ASCC3: variants seen among roughly 807,000 people sequenced by gnomAD.
ASCC3 encodes the protein ASC-1 complex subunit P200.
ASCC3 carries 158 observed loss-of-function variants against 256.3 expected under a neutral mutation model. The observed-to-expected ratio is 0.62, with a 90% CI of 0.54 to 0.70. ASCC3 has a LOEUF of 0.70. ASCC3 is among the 30% of genes least tolerant of loss of function. The pLI, the probability that ASCC3 is intolerant of heterozygous loss-of-function variation, is 0.00. For missense variants in ASCC3, 2,259 were observed against 2,626.0 expected (o/e 0.86, Z 3.05); for synonymous variants, 948 against 883.4 (o/e 1.07, Z -1.30).
intron 36 of ASCC3, among the ~76,000 whole-genome samples, chr6:100,572,644 A>G (rs1489035823): frequency 6.6e-6 from 1 of 152,190 alleles, no homozygotes; most frequent in Non-Finnish European, 1.5e-5. Flanking sequence ...TAAAGCAAGG[A>G]GATAAACATA....
intron 8 of ASCC3, among the ~76,000 whole-genome samples, chr6:100,794,366 T>C (rs750104495): frequency 2.6e-5 from 4 of 152,092 alleles, no homozygotes; most frequent in Non-Finnish European, 5.9e-5. Context: ...GTGCTTGATG[T>C]CCAAAGGTAA....
chr6:100,606,610 C>T, intron 32 of ASCC3, 130 bp downstream of exon 32: 2 of 1,022,640 alleles, frequency 2.0e-6, no homozygotes, highest in Non-Finnish European at 2.8e-6. Context: ...TCTATAATTG[C>T]TTATCATCTG....
In ASCC3 at chr6:100,757,769, A is replaced by C. The variant is rs985398712; in HGVS notation, c.1737+8796T>G. Among the ~76,000 whole-genome samples, 5 of 152,202 alleles carry C rather than the reference A, an allele frequency of 3.3e-5. No homozygotes were observed. In the East Asian group the frequency reaches 9.6e-4, roughly 29 times the overall value. On this transcript the variant is annotated intron_variant, in intron 10 of 41. Transcript: ENST00000369162. ...AGTAGGACTGGATAGGGACATCAGGAAAGAGCTGGCAGGGAGTTCCTGGAG... is the reference window on the plus strand; with the variant it reads ...AGTAGGACTGGATAGGGACATCAGGCAAGAGCTGGCAGGGAGTTCCTGGAG...
In ASCC3 at chr6:100,509,217, G is replaced by A; in HGVS notation, c.*169C>T. On this transcript the variant is annotated 3_prime_UTR_variant, in exon 42 of 42. Coordinates refer to ENST00000369162, the MANE Select transcript of ASCC3 (RefSeq NM_006828.4). The stretch of plus-strand genomic sequence containing the variant: ...GCAACATTTGTTAAAAGGCCACTGT[G>A]GTTAACTTTATGTCACTGGAGTCAA... The A allele has an allele frequency of 1.2e-6, 1 of 811,882 alleles. No individual in the cohort carries two copies. Among genetic ancestry groups the A allele is most frequent in the Non-Finnish European group, 2.0e-6 (1 of 490,932 alleles). 50.3% of individuals were successfully genotyped at this position (811,882 alleles called of 1,614,324 possible).
chr6:100,687,165 GTGT>G (rs1480115987), intron 13 of ASCC3, among the ~76,000 whole-genome samples: 1 of 151,792 alleles, frequency 6.6e-6, no homozygotes, highest in East Asian at 1.9e-4. Flanking sequence ...TATCCTGAGT[GTGT>G]TGTTATATTC....
intron 17 of ASCC3, among the ~76,000 whole-genome samples, chr6:100,654,869 T>C (rs1775839733): frequency 6.6e-6 from 1 of 151,748 alleles, no homozygotes; most frequent in Non-Finnish European, 1.5e-5. Context: ...AAGAAAAAAA[T>C]AAAAGAAATA....
intron 13 of ASCC3, among the ~76,000 whole-genome samples, chr6:100,695,438 A>G (rs1778038184): frequency 6.6e-6 from 1 of 152,130 alleles, no homozygotes; most frequent in South Asian, 2.1e-4. Context: ...GTCTTGTTGG[A>G]AGGTAATCCT....
chr6:100,536,056 C>T (rs765593708), intron 37 of ASCC3, among the ~76,000 whole-genome samples: 7 of 151,992 alleles, frequency 4.6e-5, no homozygotes, highest in East Asian at 1.9e-4. Flanking sequence ...AGTGACTGTG[C>T]GTGTAAATGT....
intron 8 of ASCC3, among the ~76,000 whole-genome samples, chr6:100,770,117 A>G (rs950166772): frequency 6.6e-6 from 1 of 152,012 alleles, no homozygotes; most frequent in Non-Finnish European, 1.5e-5. Flanking sequence ...CACTGCCCCA[A>G]TATAAAAGCC....
chr6:100,673,072 A>C (rs1776829808), intron 14 of ASCC3, among the ~76,000 whole-genome samples: 2 of 152,088 alleles, frequency 1.3e-5, no homozygotes, highest in Non-Finnish European at 2.9e-5. Flanking sequence ...ACTTGGGAGA[A>C]AGAAAGTGCT....
At chr6:100,580,704 G>A (rs930146559) in intron 36 of ASCC3, among the ~76,000 whole-genome samples, 2 of 151,560 alleles carry the variant, frequency 1.3e-5, no homozygotes, top group African/African-American at 4.8e-5. Context: ...CTAGCATTAG[G>A]TATATCTCCC....
chr6:100,861,129 C>G (rs1197377230), intron 3 of ASCC3, among the ~76,000 whole-genome samples: 1 of 152,024 alleles, frequency 6.6e-6, no homozygotes, highest in African/African-American at 2.4e-5. Context: ...AGTAGACTTA[C>G]TAGGATATGA....
At chr6:100,617,843 C>T (rs967184669) in intron 30 of ASCC3, among the ~76,000 whole-genome samples, 12 of 152,214 alleles carry the variant, frequency 7.9e-5, no homozygotes, top group Admixed American at 7.9e-4. Context: ...AAGAGAATCC[C>T]TCAGGGCCTG....
chr6:100,708,691 T>C (rs963023320), intron 13 of ASCC3, among the ~76,000 whole-genome samples: 2 of 152,176 alleles, frequency 1.3e-5, no homozygotes, highest in African/African-American at 2.4e-5. Context: ...CAAAACACAA[T>C]TATTCTGTCC....
intron 19 of ASCC3, 99 bp from the exon 20 acceptor site, chr6:100,650,813 T>G: frequency 1.0e-6 from 1 of 969,672 alleles, no homozygotes; most frequent in Non-Finnish European, 1.6e-6. Flanking sequence ...GAGTTTCCAT[T>G]TACTATAATG....
intron 13 of ASCC3, among the ~76,000 whole-genome samples, chr6:100,682,911 G>A (rs754278528): frequency 6.6e-6 from 1 of 151,984 alleles, no homozygotes; most frequent in Non-Finnish European, 1.5e-5. Flanking sequence ...TAGATTTCTG[G>A]GTCCTCCCTT....
intron 14 of ASCC3, among the ~76,000 whole-genome samples, chr6:100,663,932 G>C (rs748515771): frequency 6.6e-6 from 1 of 151,992 alleles, no homozygotes; most frequent in Non-Finnish European, 1.5e-5. Flanking sequence ...ATGGATAAGG[G>C]GGGACTACTG....
chr6:100,798,460 CAAAATCTTAGCTGAAAAAA>C (rs2114335633), intron 8 of ASCC3, among the ~76,000 whole-genome samples: 1 of 151,162 alleles, frequency 6.6e-6, no homozygotes, highest in African/African-American at 2.4e-5. Context: ...TAAGTTAAAC[CAAAATCTTAGCTGAAAAAA>C]AACATGAAAC....
At chr6:100,795,523 C>A (rs1185249973) in intron 8 of ASCC3, among the ~76,000 whole-genome samples, 2 of 152,090 alleles carry the variant, frequency 1.3e-5, no homozygotes, top group Admixed American at 6.6e-5. Context: ...TAAATTGTCA[C>A]CCTTGCTTGC....
Sources: allele counts gnomAD v4.1 joint callset (sites outside exome capture counted in the v4.1 genomes callset), GRCh38; gene constraint gnomAD v4.1.1; transcripts MANE v1.5; gene names NCBI Gene and HGNC (gene_info 2026-07-23, HGNC 2026-07-21).